Variants in PDE4D observed in about 807,000 individuals in gnomAD.
PDE4D encodes the protein 3',5'-cyclic-AMP phosphodiesterase 4D.
A neutral mutation model predicts 87.4 loss-of-function variants in PDE4D; 24 were observed. The ratio of observed to expected loss-of-function variants is 0.27; its 90% CI spans 0.20 to 0.39. The LOEUF is 0.39. Among genes scored for constraint, PDE4D ranks in the 10% least tolerant of loss-of-function variants. PDE4D has a pLI of 1.00. For synonymous variants in PDE4D, 384 were observed against 383.2 expected (o/e 1.00, Z -0.02); for missense variants, 714 against 1,041.0 (o/e 0.69, Z 4.32).
intron 1 of PDE4D, among the ~76,000 whole-genome samples, chr5:60,389,084 T>C (rs990386630): frequency 3.9e-5 from 6 of 152,182 alleles, no homozygotes; most frequent in Admixed American, 3.3e-4. Context: ...GAATATGATA[T>C]AGAGAGGTTT....
intron 1 of PDE4D, among the ~76,000 whole-genome samples, chr5:60,251,240 A>T (rs1234938525): frequency 6.6e-6 from 1 of 151,972 alleles, no homozygotes; most frequent in Admixed American, 6.6e-5. Context: ...TTAGGGGTAC[A>T]TGTGCAGGTT....
intron 2 of PDE4D, among the ~76,000 whole-genome samples, chr5:60,085,643 T>A (rs1412360215): frequency 6.6e-6 from 1 of 152,182 alleles, no homozygotes; most frequent in Non-Finnish European, 1.5e-5. Context: ...AGGGAAAAAG[T>A]CCTACTCATG....
intron 1 of PDE4D, among the ~76,000 whole-genome samples, chr5:59,834,896 G>C (rs1256249098): frequency 6.6e-6 from 1 of 151,928 alleles, no homozygotes; most frequent in Non-Finnish European, 1.5e-5. Flanking sequence ...TTGGGAATTT[G>C]CTTGCACATT....
chr5:59,405,762 C>T (rs1314079000), intron 1 of PDE4D, among the ~76,000 whole-genome samples: 3 of 152,136 alleles, frequency 2.0e-5, no homozygotes, highest in Non-Finnish European at 2.9e-5. Flanking sequence ...TGAATTTTAT[C>T]AAATGCTTTC....
At chr5:60,230,746 C>G (rs1001230405) in intron 1 of PDE4D, among the ~76,000 whole-genome samples, 3 of 152,120 alleles carry the variant, frequency 2.0e-5, no homozygotes, top group Non-Finnish European at 4.4e-5. Context: ...AAGTAAAGGT[C>G]TCAACCACTA....
At chr5:60,241,265 CTCTCTCT>C (rs1747076704) in intron 1 of PDE4D, among the ~76,000 whole-genome samples, 2 of 136,182 alleles carry the variant, frequency 1.5e-5, no homozygotes, top group Admixed American at 8.0e-5. Flanking sequence ...CTCTCTCTCT[CTCTCTCT>C]TTTTTTTTTT....
Position 59,694,072 on chromosome 5 carries a change from A to T in PDE4D, c.455+199096T>A, listed in dbSNP as rs139797172. 2.2e-4 allele frequency among the ~76,000 whole-genome samples: 33 copies of T among 152,278 alleles called. No homozygotes were observed. In the East Asian group the frequency reaches 6.0e-3, roughly 28 times the overall value. On this transcript the variant is annotated intron_variant, in intron 1 of 14. Coordinates refer to ENST00000340635, the MANE Select transcript of PDE4D (RefSeq NM_001104631.2). Reference sequence around the variant, plus strand: ...ATTTATTCACTAGATTAAGGCAGACATTTTTCCAGTACAAAGTCTGTGACA... The same window carrying T: ...ATTTATTCACTAGATTAAGGCAGACTTTTTTCCAGTACAAAGTCTGTGACA...
At chr5:59,651,752 G>A (rs78561295) in intron 1 of PDE4D, among the ~76,000 whole-genome samples, 2,432 of 151,994 alleles carry the variant, frequency 0.016, 63 homozygotes, top group African/African-American at 0.056. Context: ...CAGAAAGAAA[G>A]AAAAAAAGAT....
intron 1 of PDE4D, among the ~76,000 whole-genome samples, chr5:59,369,581 G>C (rs1014926507): frequency 3.9e-5 from 6 of 152,078 alleles, no homozygotes; most frequent in Non-Finnish European, 7.4e-5. Context: ...TCTCCCCAGG[G>C]ACCTTTTGTG....
At chr5:59,110,562 C>T (rs1772440278) in intron 5 of PDE4D, among the ~76,000 whole-genome samples, 2 of 152,198 alleles carry the variant, frequency 1.3e-5, no homozygotes, top group African/African-American at 4.8e-5. Context: ...ATCGGTATTC[C>T]TATTTTACCA....
intron 13 of PDE4D, among the ~76,000 whole-genome samples, chr5:58,976,070 T>G (rs573792825): frequency 2.0e-5 from 3 of 152,292 alleles, no homozygotes. Context: ...AGAAACTGTT[T>G]ATGTGCATGG....
At chr5:59,092,252 C>T (rs186388386) in intron 5 of PDE4D, among the ~76,000 whole-genome samples, 1 of 152,234 alleles carries the variant, frequency 6.6e-6, no homozygotes, top group East Asian at 1.9e-4. Flanking sequence ...CAGATGTTTG[C>T]TGTTGTATAC....
intron 1 of PDE4D, among the ~76,000 whole-genome samples, chr5:59,544,927 A>G (rs942799643): frequency 2.0e-5 from 3 of 152,142 alleles, no homozygotes; most frequent in Non-Finnish European, 4.4e-5. Flanking sequence ...ATTTTCTAGC[A>G]CTCACTACAT....
intron 1 of PDE4D, among the ~76,000 whole-genome samples, chr5:59,854,893 C>T (rs1367973863): frequency 1.3e-5 from 2 of 151,992 alleles, no homozygotes; most frequent in African/African-American, 2.4e-5. Context: ...TGCCAGGCAC[C>T]GAACACAGCA....
At chr5:58,985,509 A>G (rs1034380758) in intron 11 of PDE4D, among the ~76,000 whole-genome samples, 1 of 152,246 alleles carries the variant, frequency 6.6e-6, no homozygotes, top group African/African-American at 2.4e-5. Flanking sequence ...CCTGGGAACC[A>G]GCCAAGGGAA....
intron 3 of PDE4D, among the ~76,000 whole-genome samples, chr5:59,935,326 G>C (rs1241762523): frequency 1.3e-5 from 2 of 152,204 alleles, no homozygotes; most frequent in African/African-American, 2.4e-5. Context: ...ACTCAAGACA[G>C]TAAAAGTCAG....
At chr5:60,141,686 G>A (rs988261765) in intron 2 of PDE4D, among the ~76,000 whole-genome samples, 4 of 152,022 alleles carry the variant, frequency 2.6e-5, no homozygotes, top group Non-Finnish European at 5.9e-5. Context: ...TCTACTTCTT[G>A]CCTTCCTGTG....
chr5:60,484,520 ATATT>A (rs548645913), intron 1 of PDE4D, among the ~76,000 whole-genome samples: 134 of 152,318 alleles, frequency 8.8e-4, no homozygotes, highest in Middle Eastern at 6.8e-3. Context: ...GCAATATGTA[ATATT>A]TATACGACTA....
chr5:59,705,846 G>C (rs914461163), intron 1 of PDE4D, among the ~76,000 whole-genome samples: 10 of 152,092 alleles, frequency 6.6e-5, no homozygotes, highest in Non-Finnish European at 1.3e-4. Flanking sequence ...TCCTCTTGTA[G>C]GATCAACTAT....
Sources: gnomAD v4.1 joint callset for allele counts (sites outside exome capture counted in the v4.1 genomes callset) on GRCh38, gnomAD v4.1.1 for gene constraint, MANE v1.5 for transcripts, NCBI Gene and HGNC (gene_info 2026-07-23, HGNC 2026-07-21) for gene names.